The following RFTN1 variants were observed in gnomAD, a reference collection of about 807,000 sequenced individuals.
The protein encoded by RFTN1 is raftlin.
Under a neutral mutation model 46.5 loss-of-function variants are expected in RFTN1, and 26 were observed. The ratio of observed to expected loss-of-function variants is 0.56; its 90% CI spans 0.41 to 0.78. The LOEUF is 0.78. Ranked by LOEUF, RFTN1 falls within the 30% of genes least tolerant of loss-of-function variation. RFTN1 has a pLI of 0.00. For synonymous variants in RFTN1, 261 were observed against 284.2 expected, an observed-to-expected ratio of 0.92 and a Z score of 0.82; for missense variants, 693 against 718.7, an observed-to-expected ratio of 0.96 and a Z score of 0.41.
At chr3:16,508,125 G>A (rs1168475972) in intron 1 of RFTN1, among the ~76,000 whole-genome samples, 3 of 152,174 alleles carry the variant, frequency 2.0e-5, no homozygotes, top group Non-Finnish European at 1.5e-5. Flanking sequence ...TGGACTTGCT[G>A]CTTGCAGACA....
chr3:16,489,574 T>C lies in RFTN1; in HGVS notation c.145+4151A>G, dbSNP rs1359910703. Among the ~76,000 whole-genome samples, 1 of 152,176 alleles carries C rather than the reference T, an allele frequency of 6.6e-6. No homozygotes were observed. Among genetic ancestry groups the C allele is most frequent in the Non-Finnish European group, 1.5e-5 (1 of 68,028 alleles). Reference sequence around the variant, plus strand: ...AACACTTTAAATATGTGCAATGTAGTGTACTTCATTTATACCTTGATAAAG... The same window carrying C: ...AACACTTTAAATATGTGCAATGTAGCGTACTTCATTTATACCTTGATAAAG... On this transcript the variant is annotated intron_variant, in intron 2 of 9. Coordinates refer to ENST00000334133, the MANE Select transcript of RFTN1 (RefSeq NM_015150.2). This position sits in a 1 kb window ranked among gnomAD's most constrained non-coding sequence, Gnocchi z 4.0.
intron 6 of RFTN1, among the ~76,000 whole-genome samples, chr3:16,365,798 T>G (rs1007830934): frequency 6.6e-6 from 1 of 151,630 alleles, no homozygotes; most frequent in Admixed American, 6.6e-5. Flanking sequence ...AATGACACCA[T>G]GAGCCCTGAC....
intron 3 of RFTN1, among the ~76,000 whole-genome samples, chr3:16,416,965 G>A (rs1323502269): frequency 2.0e-5 from 3 of 151,314 alleles, no homozygotes; most frequent in Non-Finnish European, 2.9e-5. Flanking sequence ...ACAATGTTGT[G>A]CAACCACCAT....
rs749818826 is a variant in RFTN1, at chr3:16,377,727, G to A, written c.817C>T (p.Leu273Phe). ...TTGCTGACATACTTACTCCCTGAGA[G>A]TGGCTCTTCATGCACCTCCAAGGGG... ...SNPLEVHEEP[L>F]SGKMEIFTLF... The change falls in exon 5 of 10, where the codon CTC (leucine) becomes TTC (phenylalanine). Residue 273 changes from leucine (L) to phenylalanine (F), a missense_variant. Physicochemically the swap from Leu to Phe is conservative, Grantham distance 22. Transcript: ENST00000334133. 1 of 1,592,236 alleles carries A rather than the reference G, an allele frequency of 6.3e-7. No homozygotes were observed. Among genetic ancestry groups the A allele is most frequent in the African/African-American group, 1.3e-5 (1 of 74,530 alleles).
intron 6 of RFTN1, among the ~76,000 whole-genome samples, chr3:16,359,471 A>C (rs554097507): frequency 6.6e-6 from 1 of 152,294 alleles, no homozygotes; most frequent in East Asian, 1.9e-4. Flanking sequence ...ATGGGGCCTT[A>C]GTCTAATAGG....
At chr3:16,432,578 C>A (rs528460085) in intron 3 of RFTN1, among the ~76,000 whole-genome samples, 6 of 151,920 alleles carry the variant, frequency 3.9e-5, no homozygotes, top group African/African-American at 7.2e-5. Flanking sequence ...GGCTCACACC[C>A]ATAATCCCAG....
rs1312097900 is a variant in RFTN1 at position 16,507,932 on chromosome 3, A to G, written c.-9+5510T>C. On this transcript the variant is annotated intron_variant, in intron 1 of 9. Transcript: ENST00000334133. This position sits in a 1 kb window ranked among gnomAD's most constrained non-coding sequence, Gnocchi z 7.1. Reference sequence around the variant, plus strand: ...TTGTAACCCTCAAGGAGGTCTGCCTATGGAACAACACGACGGGACATTTCA... The same window carrying G: ...TTGTAACCCTCAAGGAGGTCTGCCTGTGGAACAACACGACGGGACATTTCA... Among the ~76,000 whole-genome samples the G allele has an allele frequency of 1.3e-5, 2 of 152,200 alleles. No homozygotes were observed. Among genetic ancestry groups the G allele is most frequent in the African/African-American group, 4.8e-5 (2 of 41,442 alleles).
intron 4 of RFTN1, among the ~76,000 whole-genome samples, chr3:16,388,886 T>G (rs1334233597): frequency 6.6e-6 from 1 of 152,190 alleles, no homozygotes; most frequent in Non-Finnish European, 1.5e-5. Flanking sequence ...CCAGTGACCT[T>G]GGAATTACAA....
In RFTN1 at chr3:16,383,512, T is replaced by TA. The variant is rs923591005; in HGVS notation, c.442-5411dup. Among the ~76,000 whole-genome samples the TA allele has an allele frequency of 5.9e-4, 90 of 152,066 alleles. No homozygotes were observed. The highest frequency in any genetic ancestry group is 2.0e-3 in the African/African-American group (83 of 41,406). On this transcript the variant is annotated intron_variant, in intron 4 of 9. Coordinates refer to ENST00000334133, the MANE Select transcript of RFTN1 (RefSeq NM_015150.2). This position sits in a 1 kb window ranked among gnomAD's most constrained non-coding sequence, Gnocchi z 4.0. ...TTATATAAAAAGTCACAAGTCATTG[T>TA]AAAAAAAATCTTTGGTTATATATTT...
At chr3:16,487,391 CT>C (rs897066364) in intron 2 of RFTN1, among the ~76,000 whole-genome samples, 4 of 152,238 alleles carry the variant, frequency 2.6e-5, no homozygotes, top group African/African-American at 7.2e-5. Flanking sequence ...GAATTTTCCT[CT>C]CTTGAAAACA....
chr3:16,430,255 C>T (rs138776201), intron 3 of RFTN1, among the ~76,000 whole-genome samples: 2,053 of 152,116 alleles, frequency 0.013, 49 homozygotes, highest in African/African-American at 0.046. Flanking sequence ...GGACTACAGG[C>T]GTGCGCCACT....
intron 5 of RFTN1, among the ~76,000 whole-genome samples, chr3:16,373,266 G>A (rs1168669635): frequency 6.6e-6 from 1 of 152,212 alleles, no homozygotes; most frequent in East Asian, 1.9e-4. Flanking sequence ...CACCCAAGGA[G>A]CATTTGGACT....
At chr3:16,430,927 A>T (rs1039732284) in intron 3 of RFTN1, among the ~76,000 whole-genome samples, 2 of 152,184 alleles carry the variant, frequency 1.3e-5, no homozygotes, top group Non-Finnish European at 2.9e-5. Flanking sequence ...AGTGGAAGTA[A>T]ACAACCCCTA....
At position 16,500,164 on chromosome 3, in the gene RFTN1, C is replaced by G. The variant is rs1441342868; in HGVS notation, c.-8-6287G>C. On this transcript the variant is annotated intron_variant, in intron 1 of 9. Coordinates refer to ENST00000334133, the MANE Select transcript of RFTN1 (RefSeq NM_015150.2). The surrounding 1 kb of genome is among the most constrained non-coding windows in gnomAD (Gnocchi z 5.9). ...AAGTCACCTGTGTCTAGTGAGACTC[C>G]CCCAGTACTTCATCTATGCTCCATC... Among the ~76,000 whole-genome samples, 1 of 152,088 alleles carries G rather than the reference C, an allele frequency of 6.6e-6. No homozygotes were observed. Among genetic ancestry groups the G allele is most frequent in the Non-Finnish European group, 1.5e-5 (1 of 68,026 alleles).
At position 16,448,103 on chromosome 3, in the gene RFTN1, C is replaced by G. The variant is rs1031545937; in HGVS notation, c.146-14066G>C. 6.7e-6 allele frequency among the ~76,000 whole-genome samples: 1 copy of G among 150,006 alleles called. No homozygotes were observed. The highest frequency in any genetic ancestry group is 1.5e-5 in the Non-Finnish European group (1 of 67,736). On this transcript the variant is annotated intron_variant, in intron 2 of 9. Transcript: ENST00000334133. The surrounding 1 kb of genome is among the most constrained non-coding windows in gnomAD (Gnocchi z 4.1). Reference sequence around the variant, plus strand: ...TGCCCAAAGTATAAATAAATACACACAGGATTTCAAAGACTTGGTAAAAAA... The same window carrying G: ...TGCCCAAAGTATAAATAAATACACAGAGGATTTCAAAGACTTGGTAAAAAA...
rs901013944 is a variant in RFTN1 at position 16,451,563 on chromosome 3, G to T, written c.146-17526C>A. 1.1e-4 allele frequency among the ~76,000 whole-genome samples: 16 copies of T among 152,276 alleles called. 2 individuals carry two copies. Among genetic ancestry groups the T allele is most frequent in the South Asian group, 1.0e-3 (5 of 4,820 alleles). ...GTCCCCTCTTCTCCACAGGGGATAT[G>T]CCTGAAACCACAGATAGTAAAGAAC... On this transcript the variant is annotated intron_variant, in intron 2 of 9. Coordinates refer to ENST00000334133, the MANE Select transcript of RFTN1 (RefSeq NM_015150.2). The surrounding 1 kb of genome is among the most constrained non-coding windows in gnomAD (Gnocchi z 4.2).
At chr3:16,491,030 T>C (rs554164498) in intron 2 of RFTN1, among the ~76,000 whole-genome samples, 1 of 152,166 alleles carries the variant, frequency 6.6e-6, no homozygotes, top group Non-Finnish European at 1.5e-5. Context: ...GGATTCTCTC[T>C]TCTAATGAAG....
At chr3:16,478,234 C>A (rs1164414962) in intron 2 of RFTN1, among the ~76,000 whole-genome samples, 1 of 152,232 alleles carries the variant, frequency 6.6e-6, no homozygotes. Flanking sequence ...GTTATACTCA[C>A]TGTGACACAG....
At chr3:16,414,777 A>G (rs1276235533) in intron 3 of RFTN1, among the ~76,000 whole-genome samples, 1 of 152,124 alleles carries the variant, frequency 6.6e-6, no homozygotes, top group African/African-American at 2.4e-5. Flanking sequence ...GGGCTCATCC[A>G]GGGCATGAGC....
Sources: gnomAD v4.1 joint callset for allele counts (sites outside exome capture counted in the v4.1 genomes callset) on GRCh38, gnomAD v4.1.1 for gene constraint, Gnocchi (gnomAD v3.1) non-coding constraint, MANE v1.5 for transcripts, NCBI Gene and HGNC (gene_info 2026-07-23, HGNC 2026-07-21) for gene names.